Variants in TASP1 observed in about 807,000 individuals in gnomAD.
TASP1 encodes threonine aspartase 1.
TASP1 carries 16 observed loss-of-function variants against 56.6 expected under a neutral mutation model. The observed-to-expected ratio is 0.28, with a 90% CI of 0.19 to 0.43. The LOEUF (loss-of-function observed/expected upper bound fraction) is 0.43. Among genes scored for constraint, TASP1 ranks in the 20% least tolerant of loss-of-function variants. The pLI is 1.00. For synonymous variants in TASP1, 179 were observed against 184.2 expected (o/e 0.97, Z 0.23); for missense variants, 393 against 511.6 (o/e 0.77, Z 2.24).
At chr20:13,585,979 G>T in intron 5 of TASP1, among the ~76,000 whole-genome samples, 1 of 151,544 alleles carries the variant, frequency 6.6e-6, no homozygotes, top group Non-Finnish European at 1.5e-5. Flanking sequence ...TACTAAAAAT[G>T]CAAAAATTAG....
At chr20:13,286,494 G>A in the TASP1 span, among the ~76,000 whole-genome samples, 1 of 152,240 alleles carries the variant, frequency 6.6e-6, no homozygotes, top group Admixed American at 6.5e-5. Context: ...CATCTGCTTA[G>A]CTGAGTGGTT....
At chr20:13,533,165 C>T (rs1176692186) in intron 9 of TASP1, among the ~76,000 whole-genome samples, 3 of 152,178 alleles carry the variant, frequency 2.0e-5, no homozygotes, top group African/African-American at 4.8e-5. Context: ...GTGACACTGA[C>T]TCTTCTTCAA....
chr20:13,254,304 CCATATA>C, the TASP1 span, among the ~76,000 whole-genome samples: 4 of 151,674 alleles, frequency 2.6e-5, no homozygotes, highest in South Asian at 8.3e-4. Flanking sequence ...ATTTATATAA[CCATATA>C]CATATACTTT....
chr20:13,468,779 CT>C (rs924560977), intron 11 of TASP1, among the ~76,000 whole-genome samples: 9 of 151,552 alleles, frequency 5.9e-5, no homozygotes, highest in Admixed American at 3.3e-4. Context: ...AGACAAAAAG[CT>C]TTTTGATCAC....
intron 8 of TASP1, among the ~76,000 whole-genome samples, chr20:13,542,844 T>C (rs1472343464): frequency 6.6e-6 from 1 of 152,022 alleles, no homozygotes; most frequent in Non-Finnish European, 1.5e-5. Flanking sequence ...GAGGGAAATT[T>C]ATGTCCAAAA....
intron 8 of TASP1, among the ~76,000 whole-genome samples, chr20:13,536,889 T>C (rs2045438722): frequency 6.6e-6 from 1 of 152,082 alleles, no homozygotes; most frequent in Non-Finnish European, 1.5e-5. Context: ...TGTTTTGATA[T>C]AGGCATAGAT....
At chr20:13,378,867 T>A in the TASP1 span, among the ~76,000 whole-genome samples, 1 of 152,242 alleles carries the variant, frequency 6.6e-6, no homozygotes, top group Non-Finnish European at 1.5e-5. Context: ...TGGTTTAAAG[T>A]CTATTTTATC....
At chr20:13,175,623 A>C in the TASP1 span, among the ~76,000 whole-genome samples, 1 of 152,230 alleles carries the variant, frequency 6.6e-6, no homozygotes, top group Non-Finnish European at 1.5e-5. Flanking sequence ...GAGAAATCAT[A>C]ACCACAGGCC....
At chr20:13,171,517 C>A in the TASP1 span, among the ~76,000 whole-genome samples, 1 of 152,038 alleles carries the variant, frequency 6.6e-6, no homozygotes, top group Non-Finnish European at 1.5e-5. Context: ...ATAGATGAGG[C>A]TATAACTGCT....
the TASP1 span, among the ~76,000 whole-genome samples, chr20:13,364,768 C>T: frequency 6.6e-6 from 1 of 152,148 alleles, no homozygotes; most frequent in Non-Finnish European, 1.5e-5. Context: ...ATTGCTGTAC[C>T]TACTGCATTT....
the TASP1 span, among the ~76,000 whole-genome samples, chr20:13,190,031 T>C: frequency 6.6e-6 from 1 of 152,206 alleles, no homozygotes; most frequent in African/African-American, 2.4e-5. Flanking sequence ...GCCATTATTC[T>C]ACATGAATTA....
chr20:13,110,254 G>A, the TASP1 span: 1 of 1,571,290 alleles, frequency 6.4e-7, no homozygotes. Flanking sequence ...CGACTCGGAG[G>A]CCTGCAGCAA....
chr20:13,117,245 G>C, the TASP1 span, among the ~76,000 whole-genome samples: 1 of 152,206 alleles, frequency 6.6e-6, no homozygotes, highest in Non-Finnish European at 1.5e-5. Flanking sequence ...ATAATGCAGT[G>C]AGCTGATTGT....
At chr20:13,405,793 T>C (rs1218041542) in intron 13 of TASP1, among the ~76,000 whole-genome samples, 1 of 151,774 alleles carries the variant, frequency 6.6e-6, no homozygotes, top group Non-Finnish European at 1.5e-5. Context: ...CCTGACCTTG[T>C]GATCTGCCCG....
chr20:13,132,569 G>A, the TASP1 span, among the ~76,000 whole-genome samples: 1 of 152,182 alleles, frequency 6.6e-6, no homozygotes, highest in Admixed American at 6.5e-5. Context: ...AACTCCAGGA[G>A]AACAAGCACT....
At chr20:13,490,176 C>A (rs995940170) in intron 10 of TASP1, among the ~76,000 whole-genome samples, 84 of 152,184 alleles carry the variant, frequency 5.5e-4, no homozygotes, top group Middle Eastern at 3.4e-3. Context: ...TTTTAACTGA[C>A]TTTTTTAGGG....
chr20:13,498,415 G>A (rs1213043100), intron 10 of TASP1, among the ~76,000 whole-genome samples: 1 of 150,454 alleles, frequency 6.6e-6, no homozygotes, highest in African/African-American at 2.5e-5. Flanking sequence ...CTGGAGTGCA[G>A]TGGTGCAATA....
the TASP1 span, among the ~76,000 whole-genome samples, chr20:13,229,238 A>G: frequency 0.012 from 1,863 of 152,222 alleles, 44 homozygotes; most frequent in African/African-American, 0.041. Context: ...TTCATTTTTG[A>G]CAGTTGTATA....
chr20:13,306,138 G>T, the TASP1 span, among the ~76,000 whole-genome samples: 1 of 152,126 alleles, frequency 6.6e-6, no homozygotes, highest in Non-Finnish European at 1.5e-5. Context: ...GTAATTCATG[G>T]ATGATTTTCA....
Sources: gnomAD v4.1 joint callset for allele counts (sites outside exome capture counted in the v4.1 genomes callset) on GRCh38, gnomAD v4.1.1 for gene constraint, MANE v1.5 for transcripts, NCBI Gene and HGNC (gene_info 2026-07-23, HGNC 2026-07-21) for gene names.